HDAC9: variants seen among roughly 807,000 people sequenced by gnomAD.
HDAC9 encodes the protein histone deacetylase 9.
Under a neutral mutation model 139.4 loss-of-function variants are expected in HDAC9, and 41 were observed. The observed-to-expected ratio is 0.29, with a 90% CI of 0.23 to 0.38. The LOEUF is 0.38. Among genes scored for constraint, HDAC9 ranks in the 10% least tolerant of loss-of-function variants. HDAC9 has a pLI of 1.00. For missense variants in HDAC9, 1,147 were observed against 1,297.0 expected, an observed-to-expected ratio of 0.88 and a Z score of 1.78; for synonymous variants, 517 against 476.2, an observed-to-expected ratio of 1.09 and a Z score of -1.12.
At chr7:18,646,473 G>A (rs801529) in intron 9 of HDAC9, among the ~76,000 whole-genome samples, 2,894 of 152,156 alleles carry the variant, frequency 0.019, 104 homozygotes, top group African/African-American at 0.067. Flanking sequence ...TTCAAGTTTA[G>A]CATTGCTTTG....
chr7:18,368,528 T>C (rs369204993), intron 1 of HDAC9, among the ~76,000 whole-genome samples: 5 of 151,780 alleles, frequency 3.3e-5, no homozygotes, highest in East Asian at 3.9e-4. Context: ...GCAAAACATA[T>C]TGTTTTGCTA....
chr7:18,730,389 T>C (rs753689212), intron 13 of HDAC9, among the ~76,000 whole-genome samples: 3 of 152,216 alleles, frequency 2.0e-5, no homozygotes, highest in African/African-American at 7.2e-5. Flanking sequence ...TCTAGTATGA[T>C]TGAAAATATA....
At chr7:18,908,054 T>C (rs75425560) in intron 22 of HDAC9, among the ~76,000 whole-genome samples, 8,299 of 152,146 alleles carry the variant, frequency 0.055, 275 homozygotes, top group South Asian at 0.13. Context: ...AAACACTTTA[T>C]ATGGACCATT....
At chr7:18,361,784 T>C (rs554169926) in intron 1 of HDAC9, among the ~76,000 whole-genome samples, 3 of 152,014 alleles carry the variant, frequency 2.0e-5, no homozygotes, top group Non-Finnish European at 4.4e-5. Context: ...CAAAACACTT[T>C]AATGTATTAT....
chr7:18,575,238 T>C (rs905785193), intron 2 of HDAC9, among the ~76,000 whole-genome samples: 2 of 152,272 alleles, frequency 1.3e-5, no homozygotes, highest in African/African-American at 4.8e-5. Context: ...GATTCAACTG[T>C]TGGTTATTTT....
At position 18,629,486 on chromosome 7, in the gene HDAC9, T is replaced by C; in HGVS notation, c.796+5T>C. On this transcript the variant is annotated splice_donor_5th_base_variant and intron_variant, in intron 7 of 25. Coordinates refer to ENST00000686413, the MANE Select transcript of HDAC9 (RefSeq NM_178425.4). ...AGCGAATGTTTGAGGTGACAGGTAATTGAGGACTGGGCAGACCTATGAATG... is the reference window on the plus strand; with the variant it reads ...AGCGAATGTTTGAGGTGACAGGTAACTGAGGACTGGGCAGACCTATGAATG... 6.2e-7 allele frequency: 1 copy of C among 1,611,458 alleles called. No homozygotes were observed. Among genetic ancestry groups the C allele is most frequent in the Non-Finnish European group, 8.5e-7 (1 of 1,178,372 alleles).
chr7:18,179,843 G>A (rs917218594), intron 2 of HDAC9, among the ~76,000 whole-genome samples: 42 of 152,094 alleles, frequency 2.8e-4, no homozygotes, highest in African/African-American at 9.9e-4. Flanking sequence ...AGATGTAATT[G>A]TACAAGAGAT....
chr7:18,119,913 T>C (rs1365245318), intron 1 of HDAC9, among the ~76,000 whole-genome samples: 1 of 152,244 alleles, frequency 6.6e-6, no homozygotes, highest in Non-Finnish European at 1.5e-5. Flanking sequence ...TTTCATCAAG[T>C]ATTGATCAAT....
At chr7:18,914,814 G>C (rs1275437989) in intron 22 of HDAC9, among the ~76,000 whole-genome samples, 4 of 152,020 alleles carry the variant, frequency 2.6e-5, no homozygotes, top group African/African-American at 9.7e-5. Flanking sequence ...GACCGTTAAA[G>C]ATATAGCAGA....
chr7:18,570,311 TAC>T (rs1164016300), intron 2 of HDAC9, among the ~76,000 whole-genome samples: 3 of 152,160 alleles, frequency 2.0e-5, no homozygotes, highest in African/African-American at 7.2e-5. Flanking sequence ...AGTGCTGAAA[TAC>T]ACACTTTAAG....
chr7:18,922,893 C>G (rs554474042), intron 22 of HDAC9, among the ~76,000 whole-genome samples: 2 of 151,992 alleles, frequency 1.3e-5, no homozygotes, highest in East Asian at 1.9e-4. Context: ...TAAAAATCGA[C>G]AAATGTCTAG....
chr7:18,289,874 AT>A (rs1797698201), upstream of HDAC9, among the ~76,000 whole-genome samples: 3 of 152,240 alleles, frequency 2.0e-5, no homozygotes, highest in South Asian at 4.1e-4. Context: ...ATTTTCCCTC[AT>A]TCAGAGGGAC....
chr7:18,298,686 G>A (rs1285680949), intron 1 of HDAC9, among the ~76,000 whole-genome samples: 1 of 152,126 alleles, frequency 6.6e-6, no homozygotes, highest in Non-Finnish European at 1.5e-5. Flanking sequence ...TGTTTAGCTT[G>A]TATTTGAATT....
In HDAC9 at chr7:18,423,483, C is replaced by T. The variant is rs573758870; in HGVS notation, c.-41-72779C>T. On this transcript the variant is annotated intron_variant, in intron 1 of 3. Transcript: ENST00000413509. ...GCTTAAAAGAATAGATTTAACGAAG[C>T]ACTATTTTCATTTTCTATAGGTCTG... is the stretch of plus-strand genomic sequence containing the variant. Among the ~76,000 whole-genome samples, 23 of 152,304 alleles carry T rather than the reference C, an allele frequency of 1.5e-4. No homozygotes were observed. The South Asian group carries it at 4.6e-3, about 30-fold the overall frequency.
chr7:18,590,443 A>G lies in HDAC9; in HGVS notation c.372A>G (p.Glu124=). Residue 124 remains glutamate (E), a synonymous_variant, in exon 4 of 26, where the codon GAA becomes GAG. Transcript: ENST00000686413. ...QEQEVERHRR[E]QQLPPLRGKD... is the part of the protein sequence containing the mutation. ...AGGAAGTAGAGAGGCATCGCAGAGA[A>G]CAGCAGCTTCCTCCTCTCAGAGGCA... 6.2e-7 allele frequency: 1 copy of G among 1,606,056 alleles called. No homozygotes were observed. Among genetic ancestry groups the G allele is most frequent in the Non-Finnish European group, 8.5e-7 (1 of 1,176,024 alleles).
At chr7:18,838,667 A>G (rs764425023) in intron 21 of HDAC9, among the ~76,000 whole-genome samples, 11 of 152,042 alleles carry the variant, frequency 7.2e-5, no homozygotes, top group Non-Finnish European at 1.5e-4. Context: ...TATCCTTAAT[A>G]CACTTCTTGT....
At chr7:18,862,270 A>T (rs146428851) in intron 21 of HDAC9, among the ~76,000 whole-genome samples, 24 of 152,288 alleles carry the variant, frequency 1.6e-4, no homozygotes, top group Non-Finnish European at 3.2e-4. Flanking sequence ...CAAGAGAAAG[A>T]GAATGTGAAG....
intron 24 of HDAC9, among the ~76,000 whole-genome samples, chr7:18,967,523 G>C (rs1783951027): frequency 6.9e-6 from 1 of 144,234 alleles, no homozygotes; most frequent in Non-Finnish European, 1.5e-5. Context: ...AAAAAAGCAG[G>C]GTGTTATTGT....
Position 18,912,493 on chromosome 7 carries a change from A to G in HDAC9, c.2804-23316A>G, listed in dbSNP as rs536691188. 8.5e-5 allele frequency among the ~76,000 whole-genome samples: 13 copies of G among 152,194 alleles called. No homozygotes were observed. The South Asian group carries it at 2.5e-3, about 29-fold the overall frequency. On this transcript the variant is annotated intron_variant, in intron 22 of 25. Transcript: ENST00000686413. ...TGAATTACCACTTTCTCTGAAAATTAGCCTAATTTAGTTGCTCTCAAATGG... is the reference window on the plus strand; with the variant it reads ...TGAATTACCACTTTCTCTGAAAATTGGCCTAATTTAGTTGCTCTCAAATGG...
Sources: allele counts gnomAD v4.1 joint callset (sites outside exome capture counted in the v4.1 genomes callset), GRCh38; gene constraint gnomAD v4.1.1; transcripts MANE v1.5; gene names NCBI Gene and HGNC (gene_info 2026-07-23, HGNC 2026-07-21).